Variants in WWOX observed in about 807,000 individuals in gnomAD.
The protein encoded by WWOX is WW domain-containing oxidoreductase.
A neutral mutation model predicts 46.2 loss-of-function variants in WWOX; 69 were observed. The observed-to-expected ratio is 1.49, with a 90% CI of 1.23 to 1.82. WWOX has a LOEUF of 1.82. WWOX is among the 40% of genes most tolerant of loss of function. WWOX has a pLI of 0.00. For missense variants in WWOX, 919 were observed against 542.6 expected, an observed-to-expected ratio of 1.69 and a Z score of -6.89; for synonymous variants, 359 against 202.6, an observed-to-expected ratio of 1.77 and a Z score of -6.56.
chr16:79,035,904 G>A (rs985242892), intron 8 of WWOX, among the ~76,000 whole-genome samples: 1 of 152,212 alleles, frequency 6.6e-6, no homozygotes, highest in South Asian at 2.1e-4. Flanking sequence ...CAAGAATTCA[G>A]CTTCTTAAAG....
intron 8 of WWOX, among the ~76,000 whole-genome samples, chr16:78,733,641 G>C (rs1375024320): frequency 6.6e-6 from 1 of 151,896 alleles, no homozygotes. Context: ...TGTAGTTCCA[G>C]CTACTCGGTA....
intron 8 of WWOX, among the ~76,000 whole-genome samples, chr16:78,820,820 A>C (rs994811987): frequency 1.3e-5 from 2 of 152,058 alleles, no homozygotes; most frequent in African/African-American, 4.8e-5. Flanking sequence ...TGAGGGAGAA[A>C]CCATGCCATG....
At chr16:78,127,623 A>G (rs1437323353) in intron 4 of WWOX, among the ~76,000 whole-genome samples, 1 of 151,892 alleles carries the variant, frequency 6.6e-6, no homozygotes, top group African/African-American at 2.4e-5. Flanking sequence ...TTATTCTTTA[A>G]AACCGTTATA....
intron 5 of WWOX, among the ~76,000 whole-genome samples, chr16:78,382,125 C>G (rs2081967930): frequency 6.6e-6 from 1 of 152,160 alleles, no homozygotes; most frequent in African/African-American, 2.4e-5. Flanking sequence ...CTGAAACAAG[C>G]CCAGAGAGGT....
At chr16:78,770,666 C>T (rs111790836) in intron 8 of WWOX, among the ~76,000 whole-genome samples, 8,829 of 151,510 alleles carry the variant, frequency 0.058, 315 homozygotes, top group South Asian at 0.085. Context: ...CCCCCTCCCC[C>T]CCTCCCCGAA....
chr16:78,608,129 G>A (rs1597341030), intron 8 of WWOX, among the ~76,000 whole-genome samples: 1 of 152,150 alleles, frequency 6.6e-6, no homozygotes, highest in East Asian at 1.9e-4. Flanking sequence ...GCCTGAGAGT[G>A]CCTGAAACCC....
At chr16:78,664,692 A>G (rs542506793) in intron 8 of WWOX, among the ~76,000 whole-genome samples, 2 of 152,228 alleles carry the variant, frequency 1.3e-5, no homozygotes, top group Admixed American at 1.3e-4. Context: ...CGGCCAGCAG[A>G]GTAGAAACTC....
intron 5 of WWOX, among the ~76,000 whole-genome samples, chr16:78,266,684 C>T (rs924166089): frequency 5.3e-5 from 8 of 152,088 alleles, no homozygotes; most frequent in African/African-American, 1.9e-4. Context: ...TATCCACTAC[C>T]TTGGGTTGTA....
chr16:78,495,388 G>T (rs9939180), intron 8 of WWOX, among the ~76,000 whole-genome samples: 112,179 of 151,150 alleles, frequency 0.74, 44,060 homozygotes, highest in Admixed American at 0.86. Context: ...TGATCTGCCC[G>T]CCTTGGCCTC....
At chr16:78,586,154 C>T (rs558562975) in intron 8 of WWOX, among the ~76,000 whole-genome samples, 2 of 151,978 alleles carry the variant, frequency 1.3e-5, no homozygotes, top group Non-Finnish European at 2.9e-5. Flanking sequence ...CCCCGGAGTT[C>T]AAGACTAGCC....
chr16:78,858,530 G>A (rs1425023547), intron 8 of WWOX, among the ~76,000 whole-genome samples: 1 of 151,998 alleles, frequency 6.6e-6, no homozygotes. Context: ...AAAATGATTT[G>A]GGGTTGAGGT....
At chr16:78,725,592 C>G (rs1258060459) in intron 8 of WWOX, among the ~76,000 whole-genome samples, 1 of 151,862 alleles carries the variant, frequency 6.6e-6, no homozygotes. Flanking sequence ...GGCGATCTAC[C>G]CGCCTCAGCC....
chr16:78,754,176 G>A (rs772233868), intron 8 of WWOX, among the ~76,000 whole-genome samples: 2 of 151,948 alleles, frequency 1.3e-5, no homozygotes, highest in Non-Finnish European at 2.9e-5. Context: ...CTTGGTCCCT[G>A]GGGATGCCAT....
intron 8 of WWOX, among the ~76,000 whole-genome samples, chr16:78,472,079 G>A (rs1188019152): frequency 1.3e-5 from 2 of 152,030 alleles, no homozygotes; most frequent in South Asian, 2.1e-4. Flanking sequence ...TTTCTTAGGC[G>A]CCTATGCTTG....
chr16:78,837,134 A>G (rs1028648660), intron 8 of WWOX, among the ~76,000 whole-genome samples: 1 of 152,206 alleles, frequency 6.6e-6, no homozygotes, highest in Non-Finnish European at 1.5e-5. Flanking sequence ...GAAGAAAAAG[A>G]AAAAGAGCAG....
At chr16:78,298,589 C>T (rs968786871) in intron 5 of WWOX, among the ~76,000 whole-genome samples, 9 of 152,196 alleles carry the variant, frequency 5.9e-5, no homozygotes, top group Admixed American at 1.3e-4. Flanking sequence ...GTCAGGAGTT[C>T]GAGACCAGCC....
chr16:78,515,995 C>T (rs548649650), intron 8 of WWOX, among the ~76,000 whole-genome samples: 1 of 152,212 alleles, frequency 6.6e-6, no homozygotes, highest in African/African-American at 2.4e-5. Flanking sequence ...CCCCTTGTCC[C>T]CCTTTTCTCT....
intron 8 of WWOX, among the ~76,000 whole-genome samples, chr16:78,918,408 C>T (rs562871644): frequency 6.6e-6 from 1 of 152,000 alleles, no homozygotes; most frequent in South Asian, 2.1e-4. Context: ...GGCTTCTTAC[C>T]TAGGTCGTGT....
chr16:78,515,290 G>C (rs1172651760), intron 8 of WWOX, among the ~76,000 whole-genome samples: 1 of 152,066 alleles, frequency 6.6e-6, no homozygotes, highest in Non-Finnish European at 1.5e-5. Flanking sequence ...AAATGATTTT[G>C]TTACTTTTCT....
Sources: gnomAD v4.1 joint callset for allele counts (sites outside exome capture counted in the v4.1 genomes callset) on GRCh38, gnomAD v4.1.1 for gene constraint, MANE v1.5 for transcripts, NCBI Gene and HGNC (gene_info 2026-07-23, HGNC 2026-07-21) for gene names.